Variants in ZIC4 observed in about 807,000 individuals in gnomAD.
ZIC4 encodes zinc finger protein ZIC 4.
A neutral mutation model predicts 28.8 loss-of-function variants in ZIC4; 15 were observed. The ratio of observed to expected loss-of-function variants is 0.52; its 90% confidence interval spans 0.35 to 0.80. The LOEUF is 0.80. ZIC4 is among the 30% of genes least tolerant of loss of function. ZIC4 has a pLI of 0.01. For synonymous variants in ZIC4, 220 were observed against 198.1 expected (o/e 1.11, Z -0.93); for missense variants, 512 against 467.1 (o/e 1.10, Z -0.89).
rs1361313383 is a variant in ZIC4, at chr3:147,396,177, G to T, written c.363C>A (p.Arg121=). The change falls in exon 3 of 5, where the codon CGC becomes CGA. Residue 121 remains arginine, a synonymous_variant. Coordinates refer to ENST00000383075, the MANE Select transcript of ZIC4 (RefSeq NM_032153.6). The surrounding 1 kb of genome is among the most constrained non-coding windows in gnomAD (Gnocchi z 4.2). The stretch of plus-strand genomic sequence containing the variant: ...AGATGAGCTCCTGTTTGATGGGCTG[G>T]CGCATGTAGCGGAAGAAAGCGCCAG... ...HGPGAFFRYM[R]QPIKQELICK... 2 of 1,614,006 alleles carry T rather than the reference G, an allele frequency of 1.2e-6. No homozygotes were observed. The highest frequency in any genetic ancestry group is 2.7e-5 in the African/African-American group (2 of 74,940).
intron 4 of ZIC4, chr3:147,389,225 A>G: frequency 3.7e-6 from 1 of 272,874 alleles, no homozygotes. Context: ...TGCATTTTTT[A>G]TTTGGAGTCA....
chr3:147,402,867 G>T (rs2087197936), intron 1 of ZIC4, 55 bp from the exon 2 acceptor site: 1 of 1,445,668 alleles, frequency 6.9e-7, no homozygotes, highest in Non-Finnish European at 9.7e-7. Flanking sequence ...ACACGTCTGT[G>T]TGGCAACATC....
intron 1 of ZIC4, among the ~76,000 whole-genome samples, chr3:147,405,102 T>G (rs2087247292): frequency 6.6e-6 from 1 of 152,232 alleles, no homozygotes; most frequent in Admixed American, 6.5e-5. Flanking sequence ...AGGAGTTTGC[T>G]GAGGCTGGGT....
chr3:147,390,377 C>T (rs1216394146), intron 4 of ZIC4, among the ~76,000 whole-genome samples: 1 of 143,496 alleles, frequency 7.0e-6, no homozygotes, highest in Non-Finnish European at 1.5e-5. Context: ...ATCTGAACTT[C>T]TGAGGTTGGA....
chr3:147,390,336 G>T lies in ZIC4; in HGVS notation c.1004+595C>A, dbSNP rs574134809. 3.3e-5 allele frequency among the ~76,000 whole-genome samples: 5 copies of T among 151,586 alleles called. No individual in the cohort carries two copies. The South Asian group carries it at 1.0e-3, about 32-fold the overall frequency. ...GAAAGAAACTGGAGTCAAGAAAACGGCTCTGGAATTCCCTTTGCCCCCTTC... is the reference window on the plus strand; with the variant it reads ...GAAAGAAACTGGAGTCAAGAAAACGTCTCTGGAATTCCCTTTGCCCCCTTC... On this transcript the variant is annotated intron_variant, in intron 4 of 4. Coordinates refer to ENST00000383075, the MANE Select transcript of ZIC4 (RefSeq NM_032153.6).
chr3:147,402,604 C>A (rs546029564), intron 2 of ZIC4, 124 bp downstream of exon 2: 46 of 780,378 alleles, frequency 5.9e-5, no homozygotes, highest in Admixed American at 3.4e-4. Flanking sequence ...TCAAGAAACT[C>A]CCCCCAAACT....
rs770897181 is a variant in ZIC4, at chr3:147,402,763, C to T, written c.35G>A (p.Arg12Gln). Reference protein sequence around the residue: ...RYKTSLVMRKRLRLYRNTLKE... With the variant: ...RYKTSLVMRKQLRLYRNTLKE... ...AAGAGTGTTTCGGTAAAGCCGTAAT[C>T]GTTTCCTCATCACCAAGGATGTCTT... The change falls in exon 2 of 5, where the codon CGA becomes CAA. Residue 12 changes from arginine (R) to glutamine (Q), a missense_variant. Physicochemically the swap from Arg to Gln is conservative, Grantham distance 43. Coordinates refer to ENST00000383075, the MANE Select transcript of ZIC4 (RefSeq NM_032153.6). 7 of 1,613,732 alleles carry T rather than the reference C, an allele frequency of 4.3e-6. No homozygotes were observed. The highest frequency in any genetic ancestry group is 1.1e-5 in the South Asian group (1 of 91,032).
chr3:147,405,597 A>G, intron 1 of ZIC4: 2 of 984,942 alleles, frequency 2.0e-6, no homozygotes, highest in Non-Finnish European at 3.1e-6. Context: ...CCAGAATCCT[A>G]GGAGCTGCGG....
intron 3 of ZIC4, 47 bp from the exon 4 acceptor site, chr3:147,391,293 C>T (rs367565470): frequency 3.4e-5 from 51 of 1,509,332 alleles, no homozygotes; most frequent in Non-Finnish European, 4.0e-5. Context: ...GTCGTGTTCC[C>T]GTCAGGTGCT....
Position 147,396,544 on chromosome 3 carries a change from A to ATGCC in ZIC4, c.71-76_71-75insGGCA. 3 of 1,469,478 alleles carry ATGCC rather than the reference A, an allele frequency of 2.0e-6. No individual in the cohort carries two copies. The African/African-American group carries it at 4.2e-5, about 21-fold the overall frequency. The allele number at this position is 1,469,478 out of a possible 1,614,324, so 91.0% of individuals were successfully genotyped here. ...CGCTCTTCCCTGGGCCCCGGGGGGC[A>ATGCC]GGCCCAGCCCTGCCGCACTACGGCC... On this transcript the variant is annotated intron_variant, in intron 2 of 4. Transcript: ENST00000383075. This position sits in a 1 kb window ranked among gnomAD's most constrained non-coding sequence, Gnocchi z 4.2.
Position 147,406,344 on chromosome 3 carries a change from C to G in ZIC4, c.-16+19G>C, listed in dbSNP as rs949402532. The G allele has an allele frequency of 1.3e-5, 2 of 152,396 alleles. No homozygotes were observed. Among genetic ancestry groups the G allele is most frequent in the Non-Finnish European group, 2.9e-5 (2 of 68,198 alleles). 9.4% of individuals were successfully genotyped at this position (152,396 alleles called of 1,614,324 possible). On this transcript the variant is annotated intron_variant, in intron 1 of 4. Transcript: ENST00000383075. ...AGGTACAGTTCTCATCTGTCTGCCC[C>G]CTGGACTCACGCACTTACCCCACTC...
intron 3 of ZIC4, chr3:147,391,785 G>A (rs2086927454): frequency 4.5e-6 from 1 of 221,420 alleles, no homozygotes; most frequent in South Asian, 1.8e-4. Context: ...ACGCCAAAGC[G>A]ATGAAATAAT....
Position 147,396,198 on chromosome 3 carries a change from G to C in ZIC4, c.342C>G (p.Gly114=). 1 of 1,614,098 alleles carries C rather than the reference G, an allele frequency of 6.2e-7. No homozygotes were observed. The highest frequency in any genetic ancestry group is 8.5e-7 in the Non-Finnish European group (1 of 1,180,014). Residue 114 remains glycine (G), a synonymous_variant, in exon 3 of 5, where the codon GGC becomes GGG. Transcript: ENST00000383075. The surrounding 1 kb of genome is among the most constrained non-coding windows in gnomAD (Gnocchi z 4.2). The part of the protein sequence containing the change: ...TVNLAAPHGP[G]AFFRYMRQPI... ...GCTGGCGCATGTAGCGGAAGAAAGC[G>C]CCAGGACCGTGGGGCGCAGCGAGGT...
At chr3:147,394,468 TAAA>T (rs3058048) in intron 3 of ZIC4, among the ~76,000 whole-genome samples, 151 of 137,370 alleles carry the variant, frequency 1.1e-3, no homozygotes, top group Middle Eastern at 3.7e-3. Flanking sequence ...TTTGTTTGTT[TAAA>T]AAAAAAAAAA....
At chr3:147,403,985 A>G (rs2087221941) in intron 1 of ZIC4, 1 of 1,536,800 alleles carries the variant, frequency 6.5e-7, no homozygotes. Flanking sequence ...GGGTATTATT[A>G]TTTTCAATTC....
Position 147,387,444 on chromosome 3 carries a change from C to T in ZIC4, c.*1415G>A, listed in dbSNP as rs569314815. The T allele has an allele frequency of 6.5e-6, 1 of 152,720 alleles. No individual in the cohort carries two copies. The highest frequency in any genetic ancestry group is 2.4e-5 in the African/African-American group (1 of 41,552). The allele number at this position is 152,720 out of a possible 1,614,324, so 9.5% of individuals were successfully genotyped here. On this transcript the variant is annotated 3_prime_UTR_variant, in exon 5 of 5. Coordinates refer to ENST00000383075, the MANE Select transcript of ZIC4 (RefSeq NM_032153.6). ...AGCAGGAATGTCTCAGATAATAACT[C>T]CCACTTCAAAGATTTCTCAGCTCAA...
At chr3:147,399,137 C>G (rs767324620) in intron 2 of ZIC4, among the ~76,000 whole-genome samples, 1 of 152,118 alleles carries the variant, frequency 6.6e-6, no homozygotes, top group African/African-American at 2.4e-5. Context: ...GACCCCCACT[C>G]CCTACTCTCA....
chr3:147,402,818 T>C lies in ZIC4; in HGVS notation c.-15-6A>G, dbSNP rs140613914. On this transcript the variant is annotated splice_region_variant and splice_polypyrimidine_tract_variant and intron_variant, in intron 1 of 4. Coordinates refer to ENST00000383075, the MANE Select transcript of ZIC4 (RefSeq NM_032153.6). ...CTCATTTTCTGACTTTGAGCCTGTT[T>C]GGGAAGAAAAGAGTGACAGTCACTA... is the stretch of plus-strand genomic sequence containing the variant. 507 of 1,613,154 alleles carry C rather than the reference T, an allele frequency of 3.1e-4. 2 individuals carry two copies. The African/African-American group carries it at 5.8e-3, about 19-fold the overall frequency.
rs2107965235 is a variant in ZIC4 at position 147,391,126 on chromosome 3, C to T, written c.809G>A (p.Gly270Asp). 2.5e-6 allele frequency: 4 copies of T among 1,614,090 alleles called. No individual in the cohort carries two copies. Among genetic ancestry groups the T allele is most frequent in the East Asian group, 4.5e-5 (2 of 44,878 alleles). The change falls in exon 4 of 5, where the codon GGC becomes GAC. Residue 270 changes from glycine to aspartate, a missense_variant. Physicochemically the swap from Gly to Asp is moderately conservative, Grantham distance 94. Around this residue, in one of 3 missense-constraint regions of ZIC4, gnomAD observed 144 missense variants for 116.8 expected, o/e 1.23. Transcript: ENST00000383075. ...SDKPYTCKVR[G>D]CDKCYTHPSS... ...GGGGTGCGTGTAGCACTTGTCGCAG[C>T]CCCGCACCTTGCACGTGTATGGCTT...
Sources: gnomAD v4.1 joint callset for allele counts (sites outside exome capture counted in the v4.1 genomes callset) on GRCh38, gnomAD v4.1.1 for gene constraint, gnomAD v4.1.1 regional missense constraint, Gnocchi (gnomAD v3.1) non-coding constraint, MANE v1.5 for transcripts, NCBI Gene and HGNC (gene_info 2026-07-23, HGNC 2026-07-21) for gene names.